CCT6B: variants seen among roughly 807,000 people sequenced by gnomAD.
The protein encoded by CCT6B is probable T-complex protein 1 subunit zeta-2.
In CCT6B, 49 loss-of-function variants were observed where a neutral mutation model predicts 61.5. That is an observed-to-expected ratio of 0.80 (90% CI 0.63 to 1.01). The LOEUF (loss-of-function observed/expected upper bound fraction) is 1.01, where lower values mean the gene tolerates loss of function less well. CCT6B is among the 50% of genes least tolerant of loss of function. The probability of loss-of-function intolerance (pLI) is 0.00; values close to 1 mark genes in which losing one functional copy is unlikely to be tolerated. For synonymous variants in CCT6B, 228 were observed against 214.5 expected, an observed-to-expected ratio of 1.06 and a Z score of -0.55; for missense variants, 666 against 634.7, an observed-to-expected ratio of 1.05 and a Z score of -0.53.
chr17:34,939,795 A>ATT, intron 8 of CCT6B, 82 bp from the exon 9 acceptor site: 5 of 860,270 alleles, frequency 5.8e-6, no homozygotes, highest in Non-Finnish European at 9.9e-6. Flanking sequence ...TCTAATGCAG[A>ATT]AGACTGTATT....
chr17:34,958,898 TAA>T (rs1469738898), intron 2 of CCT6B, among the ~76,000 whole-genome samples: 5 of 152,202 alleles, frequency 3.3e-5, no homozygotes, highest in Non-Finnish European at 5.9e-5. Context: ...GAACATTTCA[TAA>T]AAGTCTTTGC....
chr17:34,936,726 C>T (rs1156444734), intron 10 of CCT6B, among the ~76,000 whole-genome samples: 3 of 151,962 alleles, frequency 2.0e-5, no homozygotes, highest in South Asian at 2.1e-4. Flanking sequence ...GTATGTGAGG[C>T]TCATATACTA....
intron 3 of CCT6B, among the ~76,000 whole-genome samples, chr17:34,955,700 A>C (rs1227008330): frequency 6.6e-6 from 1 of 152,212 alleles, no homozygotes; most frequent in East Asian, 1.9e-4. Flanking sequence ...CTTTACATCA[A>C]TCCTTAATAA....
chr17:34,947,303 C>T (rs907311960), intron 5 of CCT6B, among the ~76,000 whole-genome samples: 2 of 152,122 alleles, frequency 1.3e-5, no homozygotes, highest in African/African-American at 4.8e-5. Context: ...ACTCAAAAAG[C>T]CAGAAAATGC....
chr17:34,942,955 T>C lies in CCT6B; in HGVS notation c.615-49A>G, dbSNP rs1345667388. On this transcript the variant is annotated intron_variant, in intron 5 of 13. Coordinates refer to ENST00000314144, the MANE Select transcript of CCT6B (RefSeq NM_006584.4). ...TACTTTGAATATATACTCTAAAATTTGGTATAAAATTATCATTGTACTATT... is the reference window on the plus strand; with the variant it reads ...TACTTTGAATATATACTCTAAAATTCGGTATAAAATTATCATTGTACTATT... 2.8e-6 allele frequency: 3 copies of C among 1,054,814 alleles called. No homozygotes were observed. In the African/African-American group the frequency reaches 4.8e-5, roughly 17 times the overall value. 65.3% of individuals were successfully genotyped at this position (1,054,814 alleles called of 1,614,324 possible). A position where few individuals can be genotyped will look rare whatever the true frequency, so the allele number is the denominator to read the frequency against.
chr17:34,930,692 C>T (rs1431211419), intron 12 of CCT6B, among the ~76,000 whole-genome samples: 1 of 152,118 alleles, frequency 6.6e-6, no homozygotes, highest in Non-Finnish European at 1.5e-5. Flanking sequence ...TACTGCCTAC[C>T]TTCTCCCACT....
In CCT6B at chr17:34,935,924, CGT is replaced by C. The variant is rs113723835; in HGVS notation, c.1213+3257_1213+3258del. ...ACAAGAAGCATTTGGCATTTATTCT[CGT>C]GTGTGTGTGTGTGTGTGTGTGTTTT... On this transcript the variant is annotated intron_variant, in intron 10 of 13. Coordinates refer to ENST00000314144, the MANE Select transcript of CCT6B (RefSeq NM_006584.4). 1.2e-3 allele frequency among the ~76,000 whole-genome samples: 182 copies of C among 147,134 alleles called. 1 individual carries two copies. Among genetic ancestry groups the C allele is most frequent in the Middle Eastern group, 7.1e-3 (2 of 280 alleles).
intron 5 of CCT6B, among the ~76,000 whole-genome samples, chr17:34,950,213 T>A (rs77405650): frequency 6.6e-6 from 1 of 152,302 alleles, no homozygotes; most frequent in East Asian, 1.9e-4. Flanking sequence ...TGCAGCTGAA[T>A]AGTACTTTGA....
At chr17:34,957,702 C>T (rs1266012027) in intron 3 of CCT6B, among the ~76,000 whole-genome samples, 1 of 152,136 alleles carries the variant, frequency 6.6e-6, no homozygotes, top group African/African-American at 2.4e-5. Flanking sequence ...CTAAACGAAA[C>T]ACAGAGAATC....
At chr17:34,950,534 T>A (rs575420389) in intron 5 of CCT6B, among the ~76,000 whole-genome samples, 68 of 152,262 alleles carry the variant, frequency 4.5e-4, no homozygotes, top group Non-Finnish European at 8.4e-4. Flanking sequence ...ACCAAAAATT[T>A]CAGAGTTAAA....
At chr17:34,945,450 C>T (rs2090212982) in intron 5 of CCT6B, among the ~76,000 whole-genome samples, 1 of 152,172 alleles carries the variant, frequency 6.6e-6, no homozygotes, top group South Asian at 2.1e-4. Context: ...CTCCACTTTT[C>T]CTGCTGATCA....
In CCT6B at chr17:34,939,702, G is replaced by T. The variant is rs148722972; in HGVS notation, c.980C>A (p.Ala327Asp). 6.2e-7 allele frequency: 1 copy of T among 1,609,692 alleles called. No individual in the cohort carries two copies. Among genetic ancestry groups the T allele is most frequent in the East Asian group, 2.2e-5 (1 of 44,784 alleles). Residue 327 changes from alanine to aspartate, a missense_variant, in exon 9 of 14, where the codon GCT becomes GAT. Ala to Asp is a moderately radical substitution (Grantham distance 126, BLOSUM62 -2). Coordinates refer to ENST00000314144, the MANE Select transcript of CCT6B (RefSeq NM_006584.4). ...AGAATTCACGGCCATTCCACCACAA[G>T]CAAGAGAGAGTCTGAAATTACATAT... ...KRRNMERLSL[A>D]CGGMAVNSFE...
At position 34,957,787 on chromosome 17, in the gene CCT6B, CTTAA is replaced by C. The variant is rs1291356063; in HGVS notation, c.336+769_336+772del. ...CATTCAGATATGGAGAAAAGAGATA[CTTAA>C]TTAGAGAAAGGTAAAAATGTACATG... On this transcript the variant is annotated intron_variant, in intron 3 of 13. Coordinates refer to ENST00000314144, the MANE Select transcript of CCT6B (RefSeq NM_006584.4). Among the ~76,000 whole-genome samples, 4 of 152,242 alleles carry C rather than the reference CTTAA, an allele frequency of 2.6e-5. No homozygotes were observed. In the East Asian group the frequency reaches 5.8e-4, roughly 22 times the overall value.
chr17:34,958,714 G>T lies in CCT6B; in HGVS notation c.202-20C>A. The T allele has an allele frequency of 6.4e-7, 1 of 1,569,634 alleles. No homozygotes were observed. Among genetic ancestry groups the T allele is most frequent in the Non-Finnish European group, 8.6e-7 (1 of 1,158,132 alleles). Reference sequence around the variant, plus strand: ...AATTTGCTGGAAAAAGCAAGCAACAGATTTAAAAAGACAGGATGAGATAAG... The same window carrying T: ...AATTTGCTGGAAAAAGCAAGCAACATATTTAAAAAGACAGGATGAGATAAG... On this transcript the variant is annotated intron_variant, in intron 2 of 13. Transcript: ENST00000314144.
chr17:34,948,244 T>C (rs2090247685), intron 5 of CCT6B, among the ~76,000 whole-genome samples: 1 of 152,148 alleles, frequency 6.6e-6, no homozygotes, highest in African/African-American at 2.4e-5. Context: ...GTTAAGATGT[T>C]AAATTTTAAA....
In CCT6B at chr17:34,932,549, A is replaced by AAG. The variant is rs751375996; in HGVS notation, c.1214-51_1214-50dup. 1.3e-4 allele frequency: 201 copies of AAG among 1,529,672 alleles called. 1 individual carries two copies. Among genetic ancestry groups the AAG allele is most frequent in the African/African-American group, 1.3e-3 (94 of 71,938 alleles). The allele number at this position is 1,529,672 out of a possible 1,614,324, so 94.8% of individuals were successfully genotyped here. ...TGGCAAGACATGCCATAAAGACCAA[A>AAG]AGAGAGAGAGAGACAGAAAAGCAAT... On this transcript the variant is annotated intron_variant, in intron 10 of 13. Coordinates refer to ENST00000314144, the MANE Select transcript of CCT6B (RefSeq NM_006584.4).
chr17:34,942,746 C>A, intron 6 of CCT6B, 50 bp downstream of exon 6: 1 of 1,499,846 alleles, frequency 6.7e-7, no homozygotes, highest in Middle Eastern at 1.8e-4. Flanking sequence ...GATTTTAAAA[C>A]ACCTTTAGAA....
chr17:34,955,888 TAAG>T (rs1395162487), intron 3 of CCT6B, among the ~76,000 whole-genome samples: 2 of 152,130 alleles, frequency 1.3e-5, no homozygotes, highest in Non-Finnish European at 2.9e-5. Flanking sequence ...ACCAAGATAA[TAAG>T]AAGTGAAACC....
At chr17:34,938,419 A>T (rs1204968759) in intron 10 of CCT6B, among the ~76,000 whole-genome samples, 3 of 151,906 alleles carry the variant, frequency 2.0e-5, no homozygotes, top group African/African-American at 7.3e-5. Flanking sequence ...AAAATTAAAA[A>T]TTAGCCAGGT....
Sources: allele counts gnomAD v4.1 joint callset (sites outside exome capture counted in the v4.1 genomes callset), GRCh38; gene constraint gnomAD v4.1.1; transcripts MANE v1.5; gene names NCBI Gene and HGNC (gene_info 2026-07-23, HGNC 2026-07-21).